The following NECAP1 variants were observed in gnomAD, a reference collection of about 807,000 sequenced individuals.
The protein encoded by NECAP1 is NECAP endocytosis associated 1, also known as adaptin ear-binding coat-associated protein 1.
NECAP1 carries 13 observed loss-of-function variants against 33.4 expected under a neutral mutation model. That is an observed-to-expected ratio of 0.39 (90% CI 0.25 to 0.62). The LOEUF (loss-of-function observed/expected upper bound fraction) is 0.62, where lower values mean the gene tolerates loss of function less well. NECAP1 is among the 20% of genes least tolerant of loss of function. NECAP1 has a pLI of 0.52. For missense variants in NECAP1, 272 were observed against 347.4 expected, an observed-to-expected ratio of 0.78 and a Z score of 1.73; for synonymous variants, 109 against 125.2, an observed-to-expected ratio of 0.87 and a Z score of 0.86.
Position 8,097,437 on chromosome 12 carries a change from T to C in NECAP1, c.*1347T>C, listed in dbSNP as rs974574291. 1 of 152,654 alleles carries C rather than the reference T, an allele frequency of 6.6e-6. No individual in the cohort carries two copies. Among genetic ancestry groups the C allele is most frequent in the Non-Finnish European group, 1.5e-5 (1 of 68,046 alleles). The allele number at this position is 152,654 out of a possible 1,614,324, so 9.5% of individuals were successfully genotyped here. A position where few individuals can be genotyped will look rare whatever the true frequency, so the allele number is the denominator to read the frequency against. ...CCTTATGTTTAGTTTCAAAATATATTACTTTCCTGGATTCTCTTCTTCACT... is the reference window on the plus strand; with the variant it reads ...CCTTATGTTTAGTTTCAAAATATATCACTTTCCTGGATTCTCTTCTTCACT... On this transcript the variant is annotated 3_prime_UTR_variant, in exon 8 of 8. Transcript: ENST00000339754.
At chr12:8,095,234 GAT>G (rs1947583693) in intron 6 of NECAP1, 1 of 159,110 alleles carries the variant, frequency 6.3e-6, no homozygotes, top group African/African-American at 2.8e-5. Flanking sequence ...TCATCTCCAA[GAT>G]TTTTTTTTTT....
intron 1 of NECAP1, chr12:8,088,771 C>T (rs763548306): frequency 6.6e-6 from 1 of 152,276 alleles, no homozygotes; most frequent in Non-Finnish European, 1.5e-5. Flanking sequence ...CACCTTGTCT[C>T]TTCCTCTGTT....
At chr12:8,090,156 G>T (rs1037013961) in intron 2 of NECAP1, 39 bp from the exon 3 acceptor site, 1 of 1,609,406 alleles carries the variant, frequency 6.2e-7, no homozygotes, top group African/African-American at 1.3e-5. Context: ...CTGGATTTTG[G>T]CTTGCTTTAC....
chr12:8,096,271 T>A lies in NECAP1; in HGVS notation c.*181T>A. Reference sequence around the variant, plus strand: ...TGTCACTCCCCTGTGTTGTTACTTGTACAGCCAAGAAAGTATCTGTTATCT... The same window carrying A: ...TGTCACTCCCCTGTGTTGTTACTTGAACAGCCAAGAAAGTATCTGTTATCT... On this transcript the variant is annotated 3_prime_UTR_variant, in exon 8 of 8. Transcript: ENST00000339754. 1.6e-6 allele frequency: 1 copy of A among 613,470 alleles called. No individual in the cohort carries two copies. Among genetic ancestry groups the A allele is most frequent in the South Asian group, 2.2e-5 (1 of 46,358 alleles). 38.0% of individuals were successfully genotyped at this position (613,470 alleles called of 1,614,324 possible). A position where few individuals can be genotyped will look rare whatever the true frequency, so the allele number is the denominator to read the frequency against.
chr12:8,086,584 A>T (rs1947491904), intron 1 of NECAP1, among the ~76,000 whole-genome samples: 1 of 152,136 alleles, frequency 6.6e-6, no homozygotes, highest in Non-Finnish European at 1.5e-5. Flanking sequence ...ACTGCTCTCC[A>T]GCCTAGGCGA....
At position 8,097,833 on chromosome 12, in the gene NECAP1, G is replaced by C. The variant is rs1012921022; in HGVS notation, c.*1743G>C. The C allele has an allele frequency of 6.6e-6, 1 of 152,594 alleles. No individual in the cohort carries two copies. Among genetic ancestry groups the C allele is most frequent in the Middle Eastern group, 3.4e-3 (1 of 294 alleles). The allele number at this position is 152,594 out of a possible 1,614,324, so 9.5% of individuals were successfully genotyped here. On this transcript the variant is annotated 3_prime_UTR_variant, in exon 8 of 8. Coordinates refer to ENST00000339754, the MANE Select transcript of NECAP1 (RefSeq NM_015509.4). ...TTTAAATTTAATTGACCAAATATAAGTGGACCAGTAGTTAATAAAGGATAT... is the reference window on the plus strand; with the variant it reads ...TTTAAATTTAATTGACCAAATATAACTGGACCAGTAGTTAATAAAGGATAT...
intron 4 of NECAP1, 140 bp from the exon 5 acceptor site, chr12:8,092,536 C>T (rs1947559285): frequency 3.4e-6 from 2 of 582,148 alleles, no homozygotes; most frequent in East Asian, 6.4e-5. Flanking sequence ...TGGCTTTTTT[C>T]CCTTCTGTTT....
rs959832680 is a variant in NECAP1, at chr12:8,096,564, A to T, written c.*474A>T. 1 of 154,334 alleles carries T rather than the reference A, an allele frequency of 6.5e-6. No individual in the cohort carries two copies. Among genetic ancestry groups the T allele is most frequent in the Non-Finnish European group, 1.4e-5 (1 of 69,112 alleles). The allele number at this position is 154,334 out of a possible 1,614,324, so 9.6% of individuals were successfully genotyped here. ...CCCAGGACTAAAAATGGACAGGCTGACCTCAGTGTTTACAAATTCAGAATT... is the reference window on the plus strand; with the variant it reads ...CCCAGGACTAAAAATGGACAGGCTGTCCTCAGTGTTTACAAATTCAGAATT... On this transcript the variant is annotated 3_prime_UTR_variant, in exon 8 of 8. Coordinates refer to ENST00000339754, the MANE Select transcript of NECAP1 (RefSeq NM_015509.4).
chr12:8,091,156 C>T (rs1005892556), intron 3 of NECAP1: 1 of 152,958 alleles, frequency 6.5e-6, no homozygotes, highest in African/African-American at 2.4e-5. Flanking sequence ...GAAGATATTT[C>T]ACATTCAGAC....
intron 1 of NECAP1, among the ~76,000 whole-genome samples, chr12:8,084,499 G>T (rs1271091850): frequency 6.6e-6 from 1 of 151,774 alleles, no homozygotes. Context: ...TGTTACATAG[G>T]TATGCATGTG....
At chr12:8,094,869 A>G (rs1591597354) in intron 6 of NECAP1, 1 of 152,408 alleles carries the variant, frequency 6.6e-6, no homozygotes, top group African/African-American at 2.4e-5. Context: ...ACCTTACACA[A>G]CCACACCCAT....
At chr12:8,096,002 A>G (rs749081682) in intron 7 of NECAP1, 40 bp from the exon 8 acceptor site, 1 of 1,609,776 alleles carries the variant, frequency 6.2e-7, no homozygotes, top group Non-Finnish European at 8.5e-7. Context: ...TGTTATCCTA[A>G]TATTATGTCT....
intron 7 of NECAP1, 158 bp downstream of exon 7, chr12:8,095,861 G>A: frequency 9.3e-7 from 1 of 1,078,458 alleles, no homozygotes. Flanking sequence ...CTGGGAATGG[G>A]GGGACAAAAA....
intron 1 of NECAP1, chr12:8,082,810 A>G (rs1177632902): frequency 7.0e-6 from 1 of 142,120 alleles, no homozygotes; most frequent in African/African-American, 2.8e-5. Flanking sequence ...ACACACACAC[A>G]CACACACCTT....
intron 1 of NECAP1, among the ~76,000 whole-genome samples, chr12:8,088,311 G>A (rs1276358320): frequency 6.6e-6 from 1 of 152,116 alleles, no homozygotes; most frequent in Non-Finnish European, 1.5e-5. Flanking sequence ...CTTCTTCCTA[G>A]ATGTGTTCCT....
intron 1 of NECAP1, among the ~76,000 whole-genome samples, chr12:8,086,298 G>A (rs1289590417): frequency 6.6e-6 from 1 of 152,122 alleles, no homozygotes; most frequent in Non-Finnish European, 1.5e-5. Flanking sequence ...TAGACTATGG[G>A]AAGGAAAATT....
At chr12:8,095,766 T>G (rs951373291) in intron 7 of NECAP1, 63 bp downstream of exon 7, 15 of 1,475,820 alleles carry the variant, frequency 1.0e-5, no homozygotes, top group Non-Finnish European at 1.9e-6. Context: ...TACAGTCAAT[T>G]GAAATCTTTG....
chr12:8,095,762 C>A, intron 7 of NECAP1, 59 bp downstream of exon 7: 1 of 1,484,966 alleles, frequency 6.7e-7, no homozygotes, highest in South Asian at 1.1e-5. Flanking sequence ...TATGTACAGT[C>A]AATTGAAATC....
At chr12:8,087,340 G>A (rs1452991781) in intron 1 of NECAP1, among the ~76,000 whole-genome samples, 2 of 151,744 alleles carry the variant, frequency 1.3e-5, no homozygotes, top group Non-Finnish European at 2.9e-5. Flanking sequence ...CAGAGGACAA[G>A]CAAAATCAAG....
Sources: gnomAD v4.1 joint callset for allele counts (sites outside exome capture counted in the v4.1 genomes callset) on GRCh38, gnomAD v4.1.1 for gene constraint, MANE v1.5 for transcripts, NCBI Gene and HGNC (gene_info 2026-07-23, HGNC 2026-07-21) for gene names.